SDK1: variants seen among roughly 807,000 people sequenced by gnomAD.
SDK1 encodes protein sidekick-1.
Under a neutral mutation model 245.5 loss-of-function variants are expected in SDK1, and 157 were observed. The observed-to-expected ratio is 0.64, with a 90% CI of 0.56 to 0.73. The LOEUF (loss-of-function observed/expected upper bound fraction) is 0.73, where lower values mean the gene tolerates loss of function less well. SDK1 is among the 30% of genes least tolerant of loss of function. The pLI, the probability that SDK1 is intolerant of heterozygous loss-of-function variation, is 0.00. For synonymous variants in SDK1, 1,647 were observed against 1,278.5 expected (o/e 1.29, Z -6.15); for missense variants, 3,583 against 3,002.3 (o/e 1.19, Z -4.52).
Position 4,178,470 on chromosome 7 carries a change from C to T in SDK1, c.4997-15C>T. 1.9e-6 allele frequency: 3 copies of T among 1,586,832 alleles called. No homozygotes were observed. The highest frequency in any genetic ancestry group is 1.1e-5 in the South Asian group (1 of 90,554). On this transcript the variant is annotated splice_polypyrimidine_tract_variant and intron_variant, in intron 34 of 44. Transcript: ENST00000404826. ...TCCTGGTGGAAGCTGATCCATATTTCCTTCAACCCTGCAGATTTAAAGAAG... is the reference window on the plus strand; with the variant it reads ...TCCTGGTGGAAGCTGATCCATATTTTCTTCAACCCTGCAGATTTAAAGAAG...
intron 4 of SDK1, among the ~76,000 whole-genome samples, chr7:3,706,418 T>G (rs1480384351): frequency 6.6e-6 from 1 of 152,200 alleles, no homozygotes; most frequent in African/African-American, 2.4e-5. Flanking sequence ...GCATTTTTCT[T>G]TTTTATGGAG....
At chr7:3,937,467 C>A (rs574217340) in intron 5 of SDK1, among the ~76,000 whole-genome samples, 2 of 152,220 alleles carry the variant, frequency 1.3e-5, no homozygotes, top group African/African-American at 4.8e-5. Flanking sequence ...AGTGTCCTCA[C>A]CGCTCTTCTT....
At position 3,315,414 on chromosome 7, in the gene SDK1, C is replaced by T. The variant is rs550714425; in HGVS notation, c.298+13530C>T. On this transcript the variant is annotated intron_variant, in intron 1 of 44. Transcript: ENST00000404826. Reference sequence around the variant, plus strand: ...GGTGGAACTGATCTTTGAGTGCACCCCTGTCTCTGGAGCCCCTGTTCCTAG... The same window carrying T: ...GGTGGAACTGATCTTTGAGTGCACCTCTGTCTCTGGAGCCCCTGTTCCTAG... 3.3e-5 allele frequency among the ~76,000 whole-genome samples: 5 copies of T among 152,170 alleles called. No individual in the cohort carries two copies. In the East Asian group the frequency reaches 9.7e-4, roughly 29 times the overall value.
chr7:3,682,100 G>A (rs550325335), intron 4 of SDK1, among the ~76,000 whole-genome samples: 21 of 152,174 alleles, frequency 1.4e-4, no homozygotes, highest in Non-Finnish European at 2.4e-4. Context: ...CCTGTCAGAC[G>A]ACCAGTGAAG....
Position 3,599,747 on chromosome 7 carries a change from A to G in SDK1, c.299-19333A>G, listed in dbSNP as rs137913112. Among the ~76,000 whole-genome samples, 230 of 152,286 alleles carry G rather than the reference A, an allele frequency of 1.5e-3. 1 individual carries two copies. The highest frequency in any genetic ancestry group is 5.4e-3 in the African/African-American group (226 of 41,554). ...CTCCACTGAATTTTTCACTTTTCTC[A>G]AAAGTCAGTTGGCTGCCTTGTGTTG... On this transcript the variant is annotated intron_variant, in intron 1 of 44. Transcript: ENST00000404826.
At chr7:3,546,294 A>G (rs552345542) in intron 1 of SDK1, among the ~76,000 whole-genome samples, 1 of 152,314 alleles carries the variant, frequency 6.6e-6, no homozygotes, top group East Asian at 1.9e-4. Flanking sequence ...ATGGGTGTGA[A>G]TCCTCCATGC....
Position 4,208,160 on chromosome 7 carries a change from C to G in SDK1, c.5276C>G (p.Pro1759Arg), listed in dbSNP as rs374134751. The G allele has an allele frequency of 1.0e-4, 163 of 1,614,066 alleles. No individual in the cohort carries two copies. In the Middle Eastern group the frequency reaches 1.5e-3, roughly 15 times the overall value. The change falls in exon 37 of 45, where the codon CCC becomes CGC. Residue 1759 changes from proline (P) to arginine (R), a missense_variant. Transcript: ENST00000404826. Reference protein sequence around the residue: ...ETEKMKVLFLPEPVVRLKNLT... With the variant: ...ETEKMKVLFLREPVVRLKNLT... ...GAGAAAATGAAGGTCCTCTTCCTCC[C>G]CGAGCCCGTGGTGAGGCTGAAGAAC...
At chr7:3,913,078 TAA>T (rs2128109556) in intron 5 of SDK1, among the ~76,000 whole-genome samples, 2 of 152,222 alleles carry the variant, frequency 1.3e-5, no homozygotes, top group East Asian at 3.9e-4. Flanking sequence ...GGAAAACAGT[TAA>T]AATGAAGAAG....
intron 4 of SDK1, among the ~76,000 whole-genome samples, chr7:3,700,718 T>C (rs2115006547): frequency 6.6e-6 from 1 of 152,318 alleles, no homozygotes; most frequent in Non-Finnish European, 1.5e-5. Context: ...ATAGTAAGTG[T>C]AAATGGTTTA....
chr7:3,679,606 T>C lies in SDK1; in HGVS notation c.713+37501T>C, dbSNP rs74717694. Among the ~76,000 whole-genome samples, 789 of 152,238 alleles carry C rather than the reference T, an allele frequency of 5.2e-3. 6 individuals are homozygous for C. Among genetic ancestry groups the C allele is most frequent in the African/African-American group, 0.018 (760 of 41,542 alleles). ...AATGGGCAAAGGAGATTAATAGACA[T>C]TTCATGGAAGAGGATATACAGATGT... On this transcript the variant is annotated intron_variant, in intron 4 of 44. Coordinates refer to ENST00000404826, the MANE Select transcript of SDK1 (RefSeq NM_152744.4).
At chr7:4,194,822 A>T (rs541123044) in intron 35 of SDK1, among the ~76,000 whole-genome samples, 2 of 152,366 alleles carry the variant, frequency 1.3e-5, no homozygotes, top group Non-Finnish European at 2.9e-5. Context: ...CACGCCCAGG[A>T]TTAATACTTT....
At chr7:3,911,324 TG>T (rs1309290892) in intron 5 of SDK1, among the ~76,000 whole-genome samples, 3 of 152,036 alleles carry the variant, frequency 2.0e-5, no homozygotes, top group African/African-American at 7.2e-5. Flanking sequence ...CTGTCTTTGT[TG>T]GGGGGCTGTA....
intron 1 of SDK1, among the ~76,000 whole-genome samples, chr7:3,406,435 C>G (rs886572288): frequency 6.6e-6 from 1 of 152,112 alleles, no homozygotes; most frequent in Non-Finnish European, 1.5e-5. Context: ...TTTTTTTCCT[C>G]TCCAATGGAC....
At chr7:3,693,740 C>G (rs915063960) in intron 4 of SDK1, among the ~76,000 whole-genome samples, 1 of 152,140 alleles carries the variant, frequency 6.6e-6, no homozygotes, top group Non-Finnish European at 1.5e-5. Context: ...CCTGGAGTAT[C>G]TGGGAATCTA....
intron 9 of SDK1, among the ~76,000 whole-genome samples, chr7:3,964,492 CT>C (rs1248764599): frequency 1.3e-5 from 2 of 151,988 alleles, no homozygotes; most frequent in African/African-American, 2.4e-5. Context: ...CTCTATTTTA[CT>C]TTTATTGAAC....
At chr7:3,422,688 T>G (rs1276286868) in intron 1 of SDK1, among the ~76,000 whole-genome samples, 1 of 152,076 alleles carries the variant, frequency 6.6e-6, no homozygotes, top group African/African-American at 2.4e-5. Flanking sequence ...GCATATCTAA[T>G]GAAATGATTG....
intron 2 of SDK1, among the ~76,000 whole-genome samples, chr7:3,637,720 T>C (rs1044713545): frequency 2.0e-5 from 3 of 152,196 alleles, no homozygotes; most frequent in Non-Finnish European, 4.4e-5. Context: ...GGATGATTAC[T>C]TACAGTTACA....
intron 2 of SDK1, among the ~76,000 whole-genome samples, chr7:3,628,904 C>T (rs932378962): frequency 1.3e-5 from 2 of 152,006 alleles, no homozygotes; most frequent in Admixed American, 6.6e-5. Context: ...AGAAGGAAAA[C>T]CCAGGCAGAA....
At chr7:3,630,092 GA>G (rs918122487) in intron 2 of SDK1, among the ~76,000 whole-genome samples, 6 of 151,890 alleles carry the variant, frequency 4.0e-5, no homozygotes, top group East Asian at 1.9e-4. Context: ...AAGGCAGATA[GA>G]AAAAAAATCA....
Sources: gnomAD v4.1 joint callset for allele counts (sites outside exome capture counted in the v4.1 genomes callset) on GRCh38, gnomAD v4.1.1 for gene constraint, MANE v1.5 for transcripts, NCBI Gene and HGNC (gene_info 2026-07-23, HGNC 2026-07-21) for gene names.